MAP4: variants seen among roughly 807,000 people sequenced by gnomAD.
MAP4 encodes the protein microtubule-associated protein 4.
Under a neutral mutation model 170.2 loss-of-function variants are expected in MAP4, and 76 were observed. The ratio of observed to expected loss-of-function variants is 0.45; its 90% CI spans 0.37 to 0.54. The LOEUF (loss-of-function observed/expected upper bound fraction) is 0.54, where lower values mean the gene tolerates loss of function less well. Among genes scored for constraint, MAP4 ranks in the 20% least tolerant of loss-of-function variants. The pLI is 0.00. For synonymous variants in MAP4, 909 were observed against 994.5 expected (o/e 0.91, Z 1.62); for missense variants, 2,506 against 2,748.0 (o/e 0.91, Z 1.97).
intron 2 of MAP4, among the ~76,000 whole-genome samples, chr3:47,982,810 T>C (rs1207999082): frequency 6.6e-6 from 1 of 152,200 alleles, no homozygotes; most frequent in Non-Finnish European, 1.5e-5. Context: ...AAATTTTTTA[T>C]TGTATGTTTG....
intron 2 of MAP4, among the ~76,000 whole-genome samples, chr3:47,980,058 C>G (rs1343614802): frequency 6.6e-6 from 1 of 152,092 alleles, no homozygotes. Flanking sequence ...CTCTCAAACT[C>G]CTGACCTCAA....
intron 10 of MAP4, among the ~76,000 whole-genome samples, chr3:47,896,236 A>C (rs1017266819): frequency 2.0e-5 from 3 of 152,238 alleles, no homozygotes; most frequent in Middle Eastern, 3.2e-3. Flanking sequence ...GCTTTAAAAA[A>C]ACAACCAAGA....
chr3:47,894,633 G>C (rs1274109352), intron 10 of MAP4, among the ~76,000 whole-genome samples: 1 of 151,890 alleles, frequency 6.6e-6, no homozygotes, highest in African/African-American at 2.4e-5. Flanking sequence ...GTACAGAAAG[G>C]CCTTGGTAAT....
Position 47,872,202 on chromosome 3 carries a change from G to C in MAP4, c.5758-102C>G. The C allele has an allele frequency of 3.5e-6, 4 of 1,137,490 alleles. No individual in the cohort carries two copies. In the South Asian group the frequency reaches 6.1e-5, roughly 17 times the overall value. 70.5% of individuals were successfully genotyped at this position (1,137,490 alleles called of 1,614,324 possible). On this transcript the variant is annotated intron_variant, in intron 12 of 20. Transcript: ENST00000683076. ...TTTTGTTTGTTTTGTTTTGTTTTTG[G>C]AGACGAAGTCTCACTCTGTTGCCCA...
rs779624925 is a variant in MAP4, at chr3:47,857,506, T to C, written c.6508A>G (p.Ile2170Val). Residue 2170 changes from isoleucine (I) to valine (V), a missense_variant, in exon 18 of 21, where the codon ATT becomes GTT. By Grantham distance (29) the Ile-to-Val change is conservative. This residue lies in a region of MAP4 where 487 missense variants were observed against 511.6 expected (regional missense o/e 0.95). Coordinates refer to ENST00000683076, the MANE Select transcript of MAP4 (RefSeq NM_001385682.1). ...KHVPGGGNVQIQNKKVDISKV... is the reference protein window; with the variant it reads ...KHVPGGGNVQVQNKKVDISKV... ...GAGATGTCCACTTTCTTGTTCTGAA[T>C]CTGAACCTGAAGAGAAGGACACAAA... The C allele has an allele frequency of 6.2e-6, 10 of 1,611,180 alleles. No individual in the cohort carries two copies. The highest frequency in any genetic ancestry group is 8.5e-6 in the Non-Finnish European group (10 of 1,177,904).
chr3:48,007,676 CT>C (rs35776561), intron 1 of MAP4, among the ~76,000 whole-genome samples: 83,082 of 140,270 alleles, frequency 0.59, 24,564 homozygotes, highest in East Asian at 0.71. Context: ...AACTACTCTC[CT>C]TTTTTTTTTT....
rs535972817 is a variant in MAP4, at chr3:47,936,451, A to G, written c.293-8101T>C. Among the ~76,000 whole-genome samples, 6 of 151,890 alleles carry G rather than the reference A, an allele frequency of 4.0e-5. No homozygotes were observed. The East Asian group carries it at 1.2e-3, about 29-fold the overall frequency. ...TGTCTTAAAAAAAAAGAAAAGAAAA[A>G]AGGGGGAGGAGAAAGGAGAGACTTA... On this transcript the variant is annotated intron_variant, in intron 3 of 20. Coordinates refer to ENST00000683076, the MANE Select transcript of MAP4 (RefSeq NM_001385682.1).
rs146222024 is a variant in MAP4 at position 47,948,951 on chromosome 3, G to A, written c.293-20601C>T. ...ATTTTCTTAAACCAAATCAAATAAG[G>A]TGTCCTTTAACTCAGCCACTCAGAA... On this transcript the variant is annotated intron_variant, in intron 3 of 20. Coordinates refer to ENST00000683076, the MANE Select transcript of MAP4 (RefSeq NM_001385682.1). 8.5e-5 allele frequency among the ~76,000 whole-genome samples: 13 copies of A among 152,214 alleles called. No individual in the cohort carries two copies. In the East Asian group the frequency reaches 2.5e-3, roughly 29 times the overall value.
At position 47,928,327 on chromosome 3, in the gene MAP4, C is replaced by A; in HGVS notation, c.316G>T (p.Glu106Ter). 1 of 1,614,106 alleles carries A rather than the reference C, an allele frequency of 6.2e-7. No homozygotes were observed. The highest frequency in any genetic ancestry group is 1.1e-5 in the South Asian group (1 of 91,078). Residue 106 changes from glutamate (E) to a stop codon, truncating the protein, a stop_gained, in exon 4 of 21, where the codon GAG (glutamate) becomes TAG (stop). Coordinates refer to ENST00000683076, the MANE Select transcript of MAP4 (RefSeq NM_001385682.1). LOFTEE classifies it high-confidence loss of function. ...GGGTATTCCTGGTAGGCCATTTTCT[C>A]TTCAAGGAATTCAGTTGGAGACCCT... is the stretch of plus-strand genomic sequence containing the variant. ...TTGSPTEFLEEKMAYQEYPNS... is the reference protein window; with the variant it reads ...TTGSPTEFLE
chr3:48,019,420 T>C (rs2100109473), upstream of MAP4, among the ~76,000 whole-genome samples: 1 of 152,184 alleles, frequency 6.6e-6, no homozygotes, highest in Admixed American at 6.5e-5. Flanking sequence ...ATTAAAACTT[T>C]ATAATTATTA....
chr3:48,066,587 G>A (rs769133599), intron 1 of MAP4, among the ~76,000 whole-genome samples: 1 of 151,876 alleles, frequency 6.6e-6, no homozygotes, highest in Non-Finnish European at 1.5e-5. Context: ...TCTGCTACCC[G>A]GGTTCAAGTG....
chr3:48,054,629 CAAAAAAAAAAAA>C (rs745809251), intron 1 of MAP4, among the ~76,000 whole-genome samples: 14 of 39,560 alleles, frequency 3.5e-4, no homozygotes, highest in East Asian at 7.9e-4. Flanking sequence ...GACTCCATCT[CAAAAAAAAAAAA>C]AAAAAAAAAA....
In MAP4 at chr3:47,914,920, C is replaced by T; in HGVS notation, c.1896G>A (p.Gly632=). 2 of 1,614,052 alleles carry T rather than the reference C, an allele frequency of 1.2e-6. No homozygotes were observed. Among genetic ancestry groups the T allele is most frequent in the Non-Finnish European group, 1.7e-6 (2 of 1,179,996 alleles). The change falls in exon 8 of 21, where the codon GGG becomes GGA. Residue 632 remains glycine, a synonymous_variant. Transcript: ENST00000683076. ...CCTCGGCCGGCAAGCTGCACTTTTT[C>T]CCCGTTCCTGTGACGGTTTCTAAAG... ...MISPETVTGT[G]KKCSLPAEED... is the part of the protein sequence containing the mutation.
At chr3:48,015,162 C>T (rs2100107140) in intron 1 of MAP4, among the ~76,000 whole-genome samples, 2 of 151,490 alleles carry the variant, frequency 1.3e-5, no homozygotes, top group Admixed American at 6.6e-5. Flanking sequence ...TGAGGCAAAT[C>T]ATTTTGAGTT....
rs545382824 is a variant in MAP4, at chr3:48,026,244, T to C, written c.-19-27365A>G. The stretch of plus-strand genomic sequence containing the variant: ...CTTCCACTTAATCAAGGATTTAAGA[T>C]TGAGTTTGCCTTGTCAGGCTCACAG... On this transcript the variant is annotated intron_variant, in intron 1 of 18. Transcript: ENST00000360240. Among the ~76,000 whole-genome samples, 32 of 152,336 alleles carry C rather than the reference T, an allele frequency of 2.1e-4. 1 individual carries two copies. In the South Asian group the frequency reaches 6.2e-3, roughly 30 times the overall value.
chr3:47,995,091 AT>A (rs1412410033), intron 2 of MAP4, among the ~76,000 whole-genome samples: 1 of 151,982 alleles, frequency 6.6e-6, no homozygotes, highest in African/African-American at 2.4e-5. Context: ...GACCAATTGG[AT>A]TTTGTACATG....
intron 5 of MAP4, among the ~76,000 whole-genome samples, chr3:47,919,555 G>T (rs1253822275): frequency 1.3e-5 from 2 of 151,902 alleles, no homozygotes; most frequent in East Asian, 3.9e-4. Flanking sequence ...TGATCCACCC[G>T]CCTTGGCCTC....
At chr3:47,857,375 C>G in intron 18 of MAP4, 56 bp downstream of exon 18, 3 of 1,453,864 alleles carry the variant, frequency 2.1e-6, no homozygotes, top group Middle Eastern at 3.8e-4. Flanking sequence ...GCCCAGCTGA[C>G]CCATGGCAGG....
At chr3:47,877,575 C>T (rs1463318348) in intron 10 of MAP4, 52 bp from the exon 11 acceptor site, 1 of 1,263,030 alleles carries the variant, frequency 7.9e-7, no homozygotes, top group South Asian at 1.3e-5. Context: ...TTTACATGCC[C>T]ATTTTGAAAA....
Sources: allele counts gnomAD v4.1 joint callset (sites outside exome capture counted in the v4.1 genomes callset), GRCh38; gene constraint gnomAD v4.1.1; regional missense constraint gnomAD v4.1.1; transcripts MANE v1.5; gene names NCBI Gene and HGNC (gene_info 2026-07-23, HGNC 2026-07-21).